Variants in EMCN observed in about 807,000 individuals in gnomAD.
EMCN encodes endomucin.
A neutral mutation model predicts 38.4 loss-of-function variants in EMCN; 37 were observed. The ratio of observed to expected loss-of-function variants is 0.96; its 90% CI spans 0.74 to 1.27. The LOEUF (loss-of-function observed/expected upper bound fraction) is 1.27, where lower values mean the gene tolerates loss of function less well. EMCN is among the 50% of genes most tolerant of loss of function. The probability of loss-of-function intolerance (pLI) is 0.00; values close to 1 mark genes in which losing one functional copy is unlikely to be tolerated. For missense variants in EMCN, 318 were observed against 302.8 expected, an observed-to-expected ratio of 1.05 and a Z score of -0.37; for synonymous variants, 95 against 100.8, an observed-to-expected ratio of 0.94 and a Z score of 0.35.
In EMCN at chr4:100,398,093, C is replaced by T. The variant is rs1252824411; in HGVS notation, c.*320G>A. ...AAGGAAAGTCATGCCTATCAGCGAGCCCACCTCCTGGGCTGTCAGATTCAC... is the reference window on the plus strand; with the variant it reads ...AAGGAAAGTCATGCCTATCAGCGAGTCCACCTCCTGGGCTGTCAGATTCAC... On this transcript the variant is annotated 3_prime_UTR_variant, in exon 12 of 12. Transcript: ENST00000296420. The T allele has an allele frequency of 6.6e-6, 1 of 151,912 alleles. No individual in the cohort carries two copies. 9.4% of individuals were successfully genotyped at this position (151,912 alleles called of 1,614,324 possible). A position where few individuals can be genotyped will look rare whatever the true frequency, so the allele number is the denominator to read the frequency against.
rs774285293 is a variant in EMCN, at chr4:100,423,081, C to T, written c.509-1G>A. On this transcript the variant is annotated splice_acceptor_variant, in intron 6 of 11. Coordinates refer to ENST00000296420, the MANE Select transcript of EMCN (RefSeq NM_016242.4). LOFTEE classifies it high-confidence loss of function. ...TTTTTTCCACCCTCAGTGCCTATTACTTTAAGAAAGAAAAAAACAAGTCAC... is the reference window on the plus strand; with the variant it reads ...TTTTTTCCACCCTCAGTGCCTATTATTTTAAGAAAGAAAAAAACAAGTCAC... The T allele has an allele frequency of 4.5e-5, 72 of 1,612,854 alleles. No individual in the cohort carries two copies. Among genetic ancestry groups the T allele is most frequent in the Non-Finnish European group, 5.9e-5 (70 of 1,179,336 alleles).
intron 4 of EMCN, among the ~76,000 whole-genome samples, chr4:100,455,348 A>G (rs960080203): frequency 2.0e-5 from 3 of 152,082 alleles, no homozygotes; most frequent in Admixed American, 6.6e-5. Flanking sequence ...AGTCTTTCAT[A>G]GTTGCTCACA....
intron 1 of EMCN, among the ~76,000 whole-genome samples, chr4:100,494,133 A>G (rs1374126832): frequency 6.6e-6 from 1 of 152,206 alleles, no homozygotes; most frequent in Non-Finnish European, 1.5e-5. Flanking sequence ...TTTATCCAAG[A>G]ACAAAGAAGA....
intron 5 of EMCN, among the ~76,000 whole-genome samples, chr4:100,433,536 T>A (rs1727261258): frequency 6.6e-6 from 1 of 151,154 alleles, no homozygotes; most frequent in African/African-American, 2.5e-5. Flanking sequence ...CTATTTTATT[T>A]TTTTTCCTTT....
intron 8 of EMCN, among the ~76,000 whole-genome samples, chr4:100,417,605 C>G (rs1345067094): frequency 6.6e-6 from 1 of 152,116 alleles, no homozygotes; most frequent in Non-Finnish European, 1.5e-5. Context: ...AATGTAGATA[C>G]TATATCTAAT....
At chr4:100,461,890 C>T (rs960365676) in intron 4 of EMCN, among the ~76,000 whole-genome samples, 14 of 152,254 alleles carry the variant, frequency 9.2e-5, no homozygotes, top group Non-Finnish European at 2.9e-5. Context: ...ATTTAACCAA[C>T]AGTAGATTGT....
intron 11 of EMCN, among the ~76,000 whole-genome samples, chr4:100,409,823 G>A (rs995681355): frequency 6.6e-6 from 1 of 152,190 alleles, no homozygotes; most frequent in Non-Finnish European, 1.5e-5. Flanking sequence ...ATTTCCCTGA[G>A]CCAGCCTACG....
chr4:100,429,962 G>T (rs1035435423), intron 5 of EMCN, among the ~76,000 whole-genome samples: 7 of 152,046 alleles, frequency 4.6e-5, no homozygotes, highest in African/African-American at 1.7e-4. Context: ...GTAATCAATA[G>T]ATTTTAAATG....
chr4:100,415,753 G>C, intron 10 of EMCN, 145 bp downstream of exon 10: 1 of 559,930 alleles, frequency 1.8e-6, no homozygotes, highest in Non-Finnish European at 3.2e-6. Context: ...TTCCTTCATG[G>C]GAGAATTTTA....
At chr4:100,440,325 A>AGT (rs1202235091) in intron 5 of EMCN, among the ~76,000 whole-genome samples, 2 of 151,904 alleles carry the variant, frequency 1.3e-5, no homozygotes, top group African/African-American at 4.8e-5. Flanking sequence ...CTGAGGTTTT[A>AGT]GTGCATCTGT....
intron 2 of EMCN, among the ~76,000 whole-genome samples, chr4:100,479,555 C>T (rs1221119906): frequency 6.6e-6 from 1 of 152,014 alleles, no homozygotes; most frequent in Non-Finnish European, 1.5e-5. Flanking sequence ...GTTATTAATA[C>T]AGTTTCACCA....
chr4:100,409,381 A>G (rs1430040237), intron 11 of EMCN, among the ~76,000 whole-genome samples: 2 of 152,198 alleles, frequency 1.3e-5, no homozygotes, highest in East Asian at 3.9e-4. Flanking sequence ...AGGAAAGTAA[A>G]AGTCAATCCC....
chr4:100,428,114 A>T (rs1727101237), intron 5 of EMCN, among the ~76,000 whole-genome samples: 1 of 152,138 alleles, frequency 6.6e-6, no homozygotes, highest in Admixed American at 6.6e-5. Context: ...CTGCTGCTCA[A>T]ATCCCTCAGT....
chr4:100,497,276 A>G (rs1050576630), intron 1 of EMCN, among the ~76,000 whole-genome samples: 1 of 150,850 alleles, frequency 6.6e-6, no homozygotes, highest in African/African-American at 2.4e-5. Context: ...AGATTAACCT[A>G]TGAGCCAGTA....
chr4:100,405,633 T>C (rs752052053), intron 11 of EMCN, among the ~76,000 whole-genome samples: 1 of 152,160 alleles, frequency 6.6e-6, no homozygotes, highest in Non-Finnish European at 1.5e-5. Context: ...TACTAGTATT[T>C]TGTTGAGAAC....
intron 1 of EMCN, among the ~76,000 whole-genome samples, chr4:100,512,078 C>A (rs533378266): frequency 6.6e-6 from 1 of 152,114 alleles, no homozygotes; most frequent in African/African-American, 2.4e-5. Context: ...GTGAGGCAAG[C>A]GGCTGTCAGG....
chr4:100,476,698 G>T (rs747215522), intron 2 of EMCN, among the ~76,000 whole-genome samples: 4 of 152,010 alleles, frequency 2.6e-5, no homozygotes, highest in Non-Finnish European at 4.4e-5. Flanking sequence ...TTCTATTTAG[G>T]CTACAACTGT....
chr4:100,438,723 AT>A (rs1727425003), intron 5 of EMCN, among the ~76,000 whole-genome samples: 2 of 151,882 alleles, frequency 1.3e-5, no homozygotes, highest in African/African-American at 4.8e-5. Context: ...TGGGTTTTTC[AT>A]AAATGTTTTT....
At chr4:100,513,110 G>C (rs1729670171) in intron 1 of EMCN, among the ~76,000 whole-genome samples, 1 of 152,116 alleles carries the variant, frequency 6.6e-6, no homozygotes, top group African/African-American at 2.4e-5. Context: ...AATTGCCAGA[G>C]AATTTGTTTC....
Sources: gnomAD v4.1 joint callset for allele counts (sites outside exome capture counted in the v4.1 genomes callset) on GRCh38, gnomAD v4.1.1 for gene constraint, MANE v1.5 for transcripts, NCBI Gene and HGNC (gene_info 2026-07-23, HGNC 2026-07-21) for gene names.